The following PDE4D variants were observed in gnomAD, a reference collection of about 807,000 sequenced individuals.
PDE4D encodes the protein 3',5'-cyclic-AMP phosphodiesterase 4D.
In PDE4D, 24 loss-of-function variants were observed where a neutral mutation model predicts 87.4. The observed-to-expected ratio is 0.27, with a 90% CI of 0.20 to 0.39. PDE4D has a LOEUF of 0.39. Among genes scored for constraint, PDE4D ranks in the 10% least tolerant of loss-of-function variants. PDE4D has a pLI of 1.00. For synonymous variants in PDE4D, 384 were observed against 383.2 expected (o/e 1.00, Z -0.02); for missense variants, 714 against 1,041.0 (o/e 0.69, Z 4.32).
chr5:60,356,292 A>G (rs776883540), intron 1 of PDE4D, among the ~76,000 whole-genome samples: 8 of 152,192 alleles, frequency 5.3e-5, no homozygotes, highest in Non-Finnish European at 1.2e-4. Context: ...AACAGCCCCA[A>G]TAATTACCTT....
chr5:59,416,459 G>A (rs983532603), intron 1 of PDE4D, among the ~76,000 whole-genome samples: 1 of 152,114 alleles, frequency 6.6e-6, no homozygotes, highest in African/African-American at 2.4e-5. Flanking sequence ...TTTGAGAACT[G>A]TTGACAATAA....
chr5:60,047,258 T>C (rs1462718310), intron 2 of PDE4D, among the ~76,000 whole-genome samples: 2 of 152,202 alleles, frequency 1.3e-5, no homozygotes, highest in Admixed American at 1.3e-4. Context: ...TCTTCTCTCT[T>C]TTTTTCTTTA....
chr5:60,089,517 C>G (rs1282280811), intron 2 of PDE4D, among the ~76,000 whole-genome samples: 1 of 151,486 alleles, frequency 6.6e-6, no homozygotes, highest in African/African-American at 2.4e-5. Flanking sequence ...ATACAGCATA[C>G]AAAAACCTAG....
At chr5:60,009,272 A>G (rs1764781945) in intron 2 of PDE4D, among the ~76,000 whole-genome samples, 1 of 152,098 alleles carries the variant, frequency 6.6e-6, no homozygotes, top group Non-Finnish European at 1.5e-5. Context: ...GATATGCTTT[A>G]CTATTAGTGA....
intron 1 of PDE4D, among the ~76,000 whole-genome samples, chr5:59,577,962 T>A (rs1195751809): frequency 6.6e-6 from 1 of 152,160 alleles, no homozygotes; most frequent in Non-Finnish European, 1.5e-5. Context: ...TCATATTATG[T>A]TTCCTTATTT....
Position 59,609,377 on chromosome 5 carries a change from T to TAC in PDE4D, c.455+283789_455+283790dup, listed in dbSNP as rs61116888. ...CGTATATCTCTCTAATTTGTATATG[T>TAC]ACACACACACACACACACACACATA... On this transcript the variant is annotated intron_variant, in intron 1 of 14. Coordinates refer to ENST00000340635, the MANE Select transcript of PDE4D (RefSeq NM_001104631.2). 2.0e-3 allele frequency among the ~76,000 whole-genome samples: 300 copies of TAC among 147,672 alleles called. 1 individual carries two copies. The highest frequency in any genetic ancestry group is 5.6e-3 in the African/African-American group (224 of 39,832).
intron 1 of PDE4D, among the ~76,000 whole-genome samples, chr5:59,451,274 T>C (rs943638133): frequency 2.6e-5 from 4 of 152,230 alleles, no homozygotes; most frequent in Non-Finnish European, 5.9e-5. Flanking sequence ...TTCAGCTTTG[T>C]CTTCAAATAT....
intron 5 of PDE4D, among the ~76,000 whole-genome samples, chr5:59,173,438 T>C (rs1203346035): frequency 6.6e-6 from 1 of 152,210 alleles, no homozygotes; most frequent in African/African-American, 2.4e-5. Context: ...TAAATAGTAA[T>C]ACTCCATGCA....
intron 2 of PDE4D, among the ~76,000 whole-genome samples, chr5:60,122,191 T>A (rs1778746679): frequency 6.6e-6 from 1 of 152,184 alleles, no homozygotes; most frequent in African/African-American, 2.4e-5. Context: ...ATCTGTGGCT[T>A]TTCCAGGCAC....
At chr5:59,957,965 G>A (rs1163974222) in intron 3 of PDE4D, among the ~76,000 whole-genome samples, 1 of 152,110 alleles carries the variant, frequency 6.6e-6, no homozygotes, top group African/African-American at 2.4e-5. Flanking sequence ...AGATAACAGA[G>A]TAAATAGGCA....
upstream of PDE4D, chr5:60,489,522 A>G (rs921389636): frequency 1.3e-5 from 2 of 152,216 alleles, no homozygotes; most frequent in African/African-American, 4.8e-5. Context: ...CAATAGACAG[A>G]AAACAGAAAA....
At chr5:59,186,349 T>C (rs192108511) in intron 3 of PDE4D, among the ~76,000 whole-genome samples, 3 of 152,312 alleles carry the variant, frequency 2.0e-5, no homozygotes, top group East Asian at 3.9e-4. Flanking sequence ...GTATATGGAA[T>C]GACAGGTTTG....
At chr5:59,934,873 A>G (rs1756391871) in intron 3 of PDE4D, among the ~76,000 whole-genome samples, 1 of 152,216 alleles carries the variant, frequency 6.6e-6, no homozygotes, top group Non-Finnish European at 1.5e-5. Flanking sequence ...AGTCAACCAC[A>G]TATTTAAAAG....
At chr5:60,468,137 C>G (rs444349) in intron 1 of PDE4D, among the ~76,000 whole-genome samples, 4,893 of 141,048 alleles carry the variant, frequency 0.035, 163 homozygotes, top group African/African-American at 0.11. Context: ...TTTCTTTTTT[C>G]TTTTTTTTTT....
chr5:59,406,401 C>T (rs535136534), intron 1 of PDE4D, among the ~76,000 whole-genome samples: 10 of 60,654 alleles, frequency 1.6e-4, no homozygotes, highest in African/African-American at 2.9e-4. Context: ...TCCTTCCCCC[C>T]CCCCCCCCCC....
intron 1 of PDE4D, among the ~76,000 whole-genome samples, chr5:59,653,352 C>T (rs534333811): frequency 5.9e-5 from 9 of 151,994 alleles, no homozygotes; most frequent in South Asian, 2.1e-4. Flanking sequence ...TACAGGCGCC[C>T]GCCACCACGC....
chr5:59,101,579 C>T (rs1770745804), intron 5 of PDE4D, among the ~76,000 whole-genome samples: 1 of 152,170 alleles, frequency 6.6e-6, no homozygotes, highest in South Asian at 2.1e-4. Context: ...TCCAGTCACC[C>T]TCTTACATAG....
chr5:59,557,718 G>T (rs1248252644), intron 1 of PDE4D, among the ~76,000 whole-genome samples: 1 of 152,096 alleles, frequency 6.6e-6, no homozygotes, highest in East Asian at 1.9e-4. Flanking sequence ...ATTAAAGAAT[G>T]AGCTAAAATA....
intron 1 of PDE4D, among the ~76,000 whole-genome samples, chr5:59,661,817 T>C (rs148224286): frequency 2.6e-4 from 40 of 152,352 alleles, no homozygotes; most frequent in African/African-American, 9.6e-4. Context: ...AAATGAGCAT[T>C]GTAGGCCAGG....
Sources: allele counts gnomAD v4.1 joint callset (sites outside exome capture counted in the v4.1 genomes callset), GRCh38; gene constraint gnomAD v4.1.1; transcripts MANE v1.5; gene names NCBI Gene and HGNC (gene_info 2026-07-23, HGNC 2026-07-21).